The following DZANK1 variants were observed in gnomAD, a reference collection of about 807,000 sequenced individuals.
The protein encoded by DZANK1 is double zinc ribbon and ankyrin repeat-containing protein 1.
A neutral mutation model predicts 94.5 loss-of-function variants in DZANK1; 91 were observed. That is an observed-to-expected ratio of 0.96 (90% CI 0.81 to 1.15). The LOEUF is 1.15. Among genes scored for constraint, DZANK1 ranks in the 50% most tolerant of loss-of-function variants. The pLI is 0.00. For synonymous variants in DZANK1, 312 were observed against 325.3 expected (o/e 0.96, Z 0.44); for missense variants, 903 against 916.4 (o/e 0.99, Z 0.19).
intron 10 of DZANK1, among the ~76,000 whole-genome samples, chr20:18,421,903 C>T (rs2057798947): frequency 6.6e-6 from 1 of 152,124 alleles, no homozygotes; most frequent in Admixed American, 6.5e-5. Flanking sequence ...TTTTTAATGG[C>T]ATTATTTGTT....
intron 7 of DZANK1, among the ~76,000 whole-genome samples, chr20:18,448,418 T>C (rs1301170134): frequency 6.6e-6 from 1 of 152,158 alleles, no homozygotes; most frequent in Non-Finnish European, 1.5e-5. Flanking sequence ...TAGGGTACAA[T>C]GTAGGAAATT....
intron 10 of DZANK1, among the ~76,000 whole-genome samples, chr20:18,423,239 G>A (rs1040469214): frequency 6.6e-6 from 1 of 152,190 alleles, no homozygotes; most frequent in Non-Finnish European, 1.5e-5. Flanking sequence ...TACATGCCAT[G>A]ATGCTAACAC....
rs1600998751 is a variant in DZANK1 at position 18,433,723 on chromosome 20, T to C, written c.790A>G (p.Thr264Ala). The C allele has an allele frequency of 9.9e-6, 16 of 1,613,882 alleles. No homozygotes were observed. In the East Asian group the frequency reaches 3.6e-4, roughly 36 times the overall value. Residue 264 changes from threonine to alanine, a missense_variant, in exon 9 of 21, where the codon ACT (threonine) becomes GCT (alanine). Thr to Ala is a moderately conservative substitution (Grantham distance 58, BLOSUM62 0). Transcript: ENST00000262547. ...GCCTCACACACCACACAGATGGGAG[T>C]GTTCATGGGTACCAAGCTTCTGCAT...
Position 18,394,359 on chromosome 20 carries a change from T to C in DZANK1, c.1612-9A>G, listed in dbSNP as rs764051338. The stretch of plus-strand genomic sequence containing the variant: ...TTGTTCAGGTAAAGGTTCTGGCCAA[T>C]GAAAACATTTAAACACCATGAATGA... On this transcript the variant is annotated splice_polypyrimidine_tract_variant and intron_variant, in intron 15 of 20. Transcript: ENST00000262547. 3.7e-6 allele frequency: 6 copies of C among 1,612,204 alleles called. No individual in the cohort carries two copies. The highest frequency in any genetic ancestry group is 3.3e-5 in the South Asian group (3 of 90,584).
rs34292007 is a variant in DZANK1 at position 18,455,202 on chromosome 20, CA to C, written c.378+44del. 13 of 1,482,956 alleles carry C rather than the reference CA, an allele frequency of 8.8e-6. No homozygotes were observed. The African/African-American group carries it at 9.7e-5, about 11-fold the overall frequency. The allele number at this position is 1,482,956 out of a possible 1,614,324, so 91.9% of individuals were successfully genotyped here. ...ATCTGCTCACTGAGAAAGAAGGAAC[CA>C]AAATACAGTGACAATCTGAATGGAT... On this transcript the variant is annotated intron_variant, in intron 4 of 20. Coordinates refer to ENST00000262547, the Ensembl canonical transcript of DZANK1.
chr20:18,398,444 G>A, intron 14 of DZANK1, 79 bp downstream of exon 14: 1 of 1,342,722 alleles, frequency 7.4e-7, no homozygotes, highest in Non-Finnish European at 1.1e-6. Context: ...GCAAGATGCA[G>A]TTTCAGGCAA....
rs1415914843 is a variant in DZANK1 at position 18,385,194 on chromosome 20, TTAAC to T, written c.2019-108_2019-105del. 1.2e-5 allele frequency: 13 copies of T among 1,057,342 alleles called. No homozygotes were observed. The African/African-American group carries it at 1.4e-4, about 12-fold the overall frequency. The allele number at this position is 1,057,342 out of a possible 1,614,324, so 65.5% of individuals were successfully genotyped here. A position where few individuals can be genotyped will look rare whatever the true frequency, so the allele number is the denominator to read the frequency against. On this transcript the variant is annotated intron_variant, in intron 19 of 20. Coordinates refer to ENST00000262547, the Ensembl canonical transcript of DZANK1. ...GTCCTGGTTTTGCTCACCGACCTACTTAACTAACCTGGGAAACCTCTTGAGTCTC... is the reference window on the plus strand; with the variant it reads ...GTCCTGGTTTTGCTCACCGACCTACTTAACCTGGGAAACCTCTTGAGTCTC...
intron 8 of DZANK1, among the ~76,000 whole-genome samples, chr20:18,435,871 T>C (rs984611425): frequency 6.6e-6 from 1 of 151,942 alleles, no homozygotes; most frequent in African/African-American, 2.4e-5. Context: ...CTGACACTAG[T>C]GGCCATGCCT....
intron 13 of DZANK1, among the ~76,000 whole-genome samples, chr20:18,401,840 G>A (rs753734062): frequency 4.6e-5 from 7 of 152,258 alleles, no homozygotes; most frequent in South Asian, 4.1e-4. Flanking sequence ...GAACTATCAC[G>A]GTGTCTCTTC....
At chr20:18,384,878 C>T (rs948706901) in intron 20 of DZANK1, 138 bp downstream of exon 20, 45 of 836,012 alleles carry the variant, frequency 5.4e-5, no homozygotes, top group Middle Eastern at 3.5e-4. Flanking sequence ...CTCAGTGCCC[C>T]GGAAGCCATG....
chr20:18,414,260 C>A, intron 12 of DZANK1, 88 bp downstream of exon 12: 1 of 1,484,696 alleles, frequency 6.7e-7, no homozygotes, highest in Non-Finnish European at 9.0e-7. Flanking sequence ...TGGGTCTCTT[C>A]CCCGGGTTGA....
intron 13 of DZANK1, among the ~76,000 whole-genome samples, chr20:18,410,950 C>A (rs1189528857): frequency 1.3e-5 from 2 of 152,086 alleles, no homozygotes; most frequent in African/African-American, 4.8e-5. Context: ...GATCCTATCT[C>A]AAAAGAAAGA....
exon 13 of DZANK1, chr20:18,412,689 C>G (rs763436655): frequency 4.3e-6 from 7 of 1,613,344 alleles, no homozygotes; most frequent in Non-Finnish European, 4.2e-6. Context: ...TATGGTCACT[C>G]ATTTTCTCCT....
intron 4 of DZANK1, among the ~76,000 whole-genome samples, chr20:18,454,841 C>T (rs775071683): frequency 1.1e-4 from 17 of 152,194 alleles, no homozygotes; most frequent in Non-Finnish European, 2.1e-4. Flanking sequence ...TAAAAGAAGG[C>T]CTGGGTGCCA....
intron 7 of DZANK1, among the ~76,000 whole-genome samples, chr20:18,447,205 G>C (rs1240140368): frequency 6.6e-6 from 1 of 152,170 alleles, no homozygotes; most frequent in African/African-American, 2.4e-5. Context: ...GCTGGGTGTG[G>C]TGGCTCACGC....
At chr20:18,453,982 C>T (rs528573564) in intron 4 of DZANK1, 155 bp from the exon 5 acceptor site, 1 of 746,588 alleles carries the variant, frequency 1.3e-6, no homozygotes, top group South Asian at 1.4e-5. Flanking sequence ...ATTCTGGAAA[C>T]ATGCAGCTTT....
rs140650169 is a variant in DZANK1, at chr20:18,385,186, C to T, written c.2019-96G>A. Reference sequence around the variant, plus strand: ...GACCCAAGGTCCTGGTTTTGCTCACCGACCTACTTAACTAACCTGGGAAAC... The same window carrying T: ...GACCCAAGGTCCTGGTTTTGCTCACTGACCTACTTAACTAACCTGGGAAAC... On this transcript the variant is annotated intron_variant, in intron 19 of 20. Coordinates refer to ENST00000262547, the Ensembl canonical transcript of DZANK1. 48 of 1,207,588 alleles carry T rather than the reference C, an allele frequency of 4.0e-5. No individual in the cohort carries two copies. In the African/African-American group the frequency reaches 5.9e-4, roughly 15 times the overall value. The allele number at this position is 1,207,588 out of a possible 1,614,324, so 74.8% of individuals were successfully genotyped here. A position where few individuals can be genotyped will look rare whatever the true frequency, so the allele number is the denominator to read the frequency against.
Position 18,389,680 on chromosome 20 carries a change from CTTTCAATGTG to C in DZANK1, c.2018+11_2018+20del, listed in dbSNP as rs2055844302. ...TCAGCCTGCTGCTACCTTAGCTCTC[CTTTCAATGTG>C]TTTCACTTACGGCCCCCACTGCTGG... On this transcript the variant is annotated intron_variant, in intron 19 of 20. Coordinates refer to ENST00000262547, the Ensembl canonical transcript of DZANK1. 1.9e-6 allele frequency: 3 copies of C among 1,613,182 alleles called. No individual in the cohort carries two copies. Among genetic ancestry groups the C allele is most frequent in the Non-Finnish European group, 2.5e-6 (3 of 1,179,502 alleles).
At chr20:18,416,951 A>G (rs1011412295) in intron 10 of DZANK1, among the ~76,000 whole-genome samples, 1 of 151,910 alleles carries the variant, frequency 6.6e-6, no homozygotes, top group African/African-American at 2.4e-5. Flanking sequence ...TGACTGTTCA[A>G]GTGGCTTTTA....
Sources: allele counts gnomAD v4.1 joint callset (sites outside exome capture counted in the v4.1 genomes callset), GRCh38; gene constraint gnomAD v4.1.1; transcripts MANE v1.5; gene names NCBI Gene and HGNC (gene_info 2026-07-23, HGNC 2026-07-21).